Variants in LRRFIP1 observed in about 807,000 individuals in gnomAD.
The protein encoded by LRRFIP1 is leucine-rich repeat flightless-interacting protein 1.
In LRRFIP1, 62 loss-of-function variants were observed where a neutral mutation model predicts 104.4. That is an observed-to-expected ratio of 0.59 (90% CI 0.48 to 0.73). The LOEUF is 0.73. Among genes scored for constraint, LRRFIP1 ranks in the 30% least tolerant of loss-of-function variants. The pLI is 0.00. For missense variants in LRRFIP1, 796 were observed against 824.5 expected, an observed-to-expected ratio of 0.97 and a Z score of 0.42; for synonymous variants, 300 against 299.0, an observed-to-expected ratio of 1.00 and a Z score of -0.03.
chr2:237,648,281 C>T (rs1575128259), intron 1 of LRRFIP1, among the ~76,000 whole-genome samples: 2 of 152,088 alleles, frequency 1.3e-5, no homozygotes, highest in South Asian at 4.1e-4. Flanking sequence ...AGCTGCGATT[C>T]AGAGCATGTT....
chr2:237,676,379 C>G (rs2091165299), intron 1 of LRRFIP1, among the ~76,000 whole-genome samples: 1 of 152,198 alleles, frequency 6.6e-6, no homozygotes, highest in African/African-American at 2.4e-5. Flanking sequence ...TCCCATGTTG[C>G]CGGTCCTGAT....
At chr2:237,659,568 T>G (rs1167564388) in intron 1 of LRRFIP1, among the ~76,000 whole-genome samples, 1 of 148,260 alleles carries the variant, frequency 6.7e-6, no homozygotes, top group Non-Finnish European at 1.5e-5. Flanking sequence ...AAACTATATA[T>G]AATTTTATAT....
intron 2 of LRRFIP1, among the ~76,000 whole-genome samples, chr2:237,710,859 C>T (rs2094042418): frequency 6.6e-6 from 1 of 152,102 alleles, no homozygotes; most frequent in Admixed American, 6.6e-5. Context: ...TGTTGCTGGA[C>T]TCCCACGTCT....
At chr2:237,745,917 A>G (rs531703113) in intron 11 of LRRFIP1, among the ~76,000 whole-genome samples, 1 of 151,926 alleles carries the variant, frequency 6.6e-6, no homozygotes, top group South Asian at 2.1e-4. Flanking sequence ...TCTTATTAAT[A>G]TTTGTTCAGC....
chr2:237,695,531 C>T (rs1426496149), intron 1 of LRRFIP1, among the ~76,000 whole-genome samples: 3 of 152,210 alleles, frequency 2.0e-5, no homozygotes, highest in Non-Finnish European at 2.9e-5. Context: ...TGTGACTCAG[C>T]AAAGGAATTG....
At chr2:237,732,774 G>A (rs2095067892) in intron 8 of LRRFIP1, among the ~76,000 whole-genome samples, 1 of 152,032 alleles carries the variant, frequency 6.6e-6, no homozygotes, top group South Asian at 2.1e-4. Context: ...TTTTTCTCTT[G>A]TAAATGTGTC....
chr2:237,733,846 C>T (rs777763199), intron 9 of LRRFIP1, 28 bp downstream of exon 9: 84 of 1,613,186 alleles, frequency 5.2e-5, no homozygotes, highest in Non-Finnish European at 6.7e-5. Context: ...CCTGCTGCCC[C>T]GCACCCCCTC....
At position 237,748,418 on chromosome 2, in the gene LRRFIP1, A is replaced by G. The variant is rs780991070; in HGVS notation, c.669+19A>G. The G allele has an allele frequency of 7.9e-5, 125 of 1,583,748 alleles. 1 individual carries two copies. The East Asian group carries it at 2.8e-3, about 35-fold the overall frequency. ...TGAGAAGGTAAGGAATCGTTCATAA[A>G]CCTAGAGGGTCCCAAAAGTTGTGGA... On this transcript the variant is annotated intron_variant, in intron 12 of 23. Transcript: ENST00000308482.
chr2:237,753,495 A>C lies in LRRFIP1; in HGVS notation c.1038+16A>C, dbSNP rs1236556947. 1.3e-6 allele frequency: 2 copies of C among 1,563,796 alleles called. No individual in the cohort carries two copies. The highest frequency in any genetic ancestry group is 4.6e-5 in the East Asian group (2 of 43,422). On this transcript the variant is annotated intron_variant, in intron 15 of 23. Coordinates refer to ENST00000308482, the MANE Select transcript of LRRFIP1 (RefSeq NM_001137550.2). ...GAAAAACAAAGTAAGCATTAGTATGATACAGAATGTTAACAATAGGCTGCG... is the reference window on the plus strand; with the variant it reads ...GAAAAACAAAGTAAGCATTAGTATGCTACAGAATGTTAACAATAGGCTGCG...
intron 6 of LRRFIP1, 178 bp downstream of exon 6, chr2:237,721,000 A>G: frequency 1.7e-6 from 1 of 601,116 alleles, no homozygotes; most frequent in South Asian, 2.1e-5. Flanking sequence ...GTTGCTGTAG[A>G]GAGATGATTT....
chr2:237,674,600 G>C (rs1455447612), intron 1 of LRRFIP1, among the ~76,000 whole-genome samples: 2 of 152,210 alleles, frequency 1.3e-5, no homozygotes, highest in Non-Finnish European at 2.9e-5. Flanking sequence ...ACCTTGAAAG[G>C]CCCAGAGGGA....
At position 237,712,783 on chromosome 2, in the gene LRRFIP1, T is replaced by G. The variant is rs781142658; in HGVS notation, c.184-1476T>G. Among the ~76,000 whole-genome samples, 76 of 152,168 alleles carry G rather than the reference T, an allele frequency of 5.0e-4. 2 individuals carry two copies. Among genetic ancestry groups the G allele is most frequent in the Admixed American group, 8.5e-4 (13 of 15,274 alleles). ...GCCTGGAGGATTTGGGAAGGTGCACTGACGACACCTCCCTCACGCTCTTCT... is the reference window on the plus strand; with the variant it reads ...GCCTGGAGGATTTGGGAAGGTGCACGGACGACACCTCCCTCACGCTCTTCT... On this transcript the variant is annotated intron_variant, in intron 2 of 23. Coordinates refer to ENST00000308482, the MANE Select transcript of LRRFIP1 (RefSeq NM_001137550.2).
Position 237,627,731 on chromosome 2 carries a change from C to A in LRRFIP1, c.87C>A (p.Ile29=), listed in dbSNP as rs2081745121. ...CGGAGGACGACGCGCTCAACCAGAT[C>A]GCGCGGGAGGTGAGCGCTCCGGGAG... ...LTAEDDALNQ[I]AREAEARLAA... is the part of the protein sequence containing the mutation. Residue 29 remains isoleucine, a synonymous_variant, in exon 1 of 24, where the codon ATC becomes ATA. Coordinates refer to ENST00000308482, the MANE Select transcript of LRRFIP1 (RefSeq NM_001137550.2). 7.5e-7 allele frequency: 1 copy of A among 1,329,008 alleles called. No homozygotes were observed. The highest frequency in any genetic ancestry group is 9.7e-7 in the Non-Finnish European group (1 of 1,029,688). The allele number at this position is 1,329,008 out of a possible 1,614,324, so 82.3% of individuals were successfully genotyped here. A position where few individuals can be genotyped will look rare whatever the true frequency, so the allele number is the denominator to read the frequency against.
At chr2:237,757,585 G>A (rs760814644) in intron 17 of LRRFIP1, 37 bp downstream of exon 17, 2 of 1,460,286 alleles carry the variant, frequency 1.4e-6, no homozygotes, top group Admixed American at 2.0e-5. Flanking sequence ...ACTCAAATGG[G>A]CAGCCTGCTT....
intron 1 of LRRFIP1, among the ~76,000 whole-genome samples, chr2:237,651,872 A>C (rs777105405): frequency 3.3e-5 from 5 of 152,234 alleles, no homozygotes; most frequent in South Asian, 4.1e-4. Context: ...AAGCCTTTGG[A>C]ATCTGGCATG....
rs553091217 is a variant in LRRFIP1 at position 237,694,854 on chromosome 2, T to C, written c.97-13690T>C. ...TTCCCTGTGTTTGCGATGGCTTGTGTCACCCCGCTCTCTTTCCACATACTG... is the reference window on the plus strand; with the variant it reads ...TTCCCTGTGTTTGCGATGGCTTGTGCCACCCCGCTCTCTTTCCACATACTG... On this transcript the variant is annotated intron_variant, in intron 1 of 23. Transcript: ENST00000308482. 5.9e-5 allele frequency among the ~76,000 whole-genome samples: 9 copies of C among 152,340 alleles called. No homozygotes were observed. In the East Asian group the frequency reaches 1.3e-3, roughly 23 times the overall value.
chr2:237,760,091 A>G lies in LRRFIP1; in HGVS notation c.1345A>G (p.Ile449Val). The change falls in exon 19 of 24, where the codon ATA becomes GTA. Residue 449 changes from isoleucine (I) to valine (V), a missense_variant. Physicochemically the swap from Ile to Val is conservative, Grantham distance 29. Transcript: ENST00000308482. The part of the protein sequence containing the change: ...KKHGIILNSE[I>V]ATNGETSDTL... ...ACATGGAATAATCCTAAATTCAGAA[A>G]TAGCTACCAATGGAGAGACTTCCGA... is the stretch of plus-strand genomic sequence containing the variant. 6.2e-7 allele frequency: 1 copy of G among 1,613,820 alleles called. No homozygotes were observed. Among genetic ancestry groups the G allele is most frequent in the Non-Finnish European group, 8.5e-7 (1 of 1,179,732 alleles).
At chr2:237,764,514 A>C in intron 19 of LRRFIP1, 1 of 1,093,492 alleles carries the variant, frequency 9.1e-7, no homozygotes, top group Non-Finnish European at 1.1e-6. Context: ...TGAAATGACC[A>C]AATAGCATTC....
intron 1 of LRRFIP1, among the ~76,000 whole-genome samples, chr2:237,648,206 G>A (rs964144187): frequency 2.0e-5 from 3 of 151,794 alleles, no homozygotes; most frequent in African/African-American, 7.2e-5. Flanking sequence ...GCAGCCCTGA[G>A]CCCTAGCCCT....
Sources: gnomAD v4.1 joint callset for allele counts (sites outside exome capture counted in the v4.1 genomes callset) on GRCh38, gnomAD v4.1.1 for gene constraint, MANE v1.5 for transcripts, NCBI Gene and HGNC (gene_info 2026-07-23, HGNC 2026-07-21) for gene names.